COG5: variants seen among roughly 807,000 people sequenced by gnomAD.
COG5 encodes conserved oligomeric Golgi complex subunit 5.
A neutral mutation model predicts 110.4 loss-of-function variants in COG5; 86 were observed. The observed-to-expected ratio is 0.78, with a 90% CI of 0.65 to 0.93. The LOEUF is 0.93. Among genes scored for constraint, COG5 ranks in the 40% least tolerant of loss-of-function variants. The pLI, the probability that COG5 is intolerant of heterozygous loss-of-function variation, is 0.00. For synonymous variants in COG5, 360 were observed against 334.6 expected, an observed-to-expected ratio of 1.08 and a Z score of -0.83; for missense variants, 1,077 against 987.0, an observed-to-expected ratio of 1.09 and a Z score of -1.22.
At chr7:107,426,724 A>G (rs1793666484) in intron 6 of COG5, among the ~76,000 whole-genome samples, 1 of 152,146 alleles carries the variant, frequency 6.6e-6, no homozygotes, top group Admixed American at 6.5e-5. Context: ...AGACATAAAC[A>G]TTCTGTCCAT....
chr7:107,562,000 G>A (rs1027423157), intron 1 of COG5, among the ~76,000 whole-genome samples: 1 of 151,796 alleles, frequency 6.6e-6, no homozygotes, highest in Non-Finnish European at 1.5e-5. Flanking sequence ...AAGAAAGAAA[G>A]AAAGGAGCAG....
chr7:107,477,478 TAATAAGAAATTA>T (rs1386565208), intron 6 of COG5, among the ~76,000 whole-genome samples: 1 of 151,748 alleles, frequency 6.6e-6, no homozygotes, highest in Non-Finnish European at 1.5e-5. Context: ...TTGTCCTCTG[TAATAAGAAATTA>T]AATAAGAAAT....
At chr7:107,241,320 T>C (rs1169979932) in intron 17 of COG5, among the ~76,000 whole-genome samples, 2 of 152,000 alleles carry the variant, frequency 1.3e-5, no homozygotes, top group Admixed American at 6.5e-5. Flanking sequence ...TCAGCAGTTA[T>C]ATAATCCTAT....
At chr7:107,208,706 T>G in intron 21 of COG5, 2 of 985,368 alleles carry the variant, frequency 2.0e-6, no homozygotes, top group South Asian at 9.4e-5. Context: ...CATAGCTGAG[T>G]AACAGATAAG....
chr7:107,268,948 T>G (rs1804021109), intron 14 of COG5, among the ~76,000 whole-genome samples: 1 of 152,158 alleles, frequency 6.6e-6, no homozygotes, highest in South Asian at 2.1e-4. Context: ...GTGGCCAGTT[T>G]AGTATATTTA....
intron 11 of COG5, among the ~76,000 whole-genome samples, chr7:107,312,724 C>T (rs890604421): frequency 5.3e-5 from 8 of 152,070 alleles, no homozygotes; most frequent in Admixed American, 1.3e-4. Context: ...GAGTCATATT[C>T]GAATTGCATT....
chr7:107,422,064 G>A lies in COG5; in HGVS notation c.539-9432C>T, dbSNP rs562240698. The stretch of plus-strand genomic sequence containing the variant: ...CCTGCCTCAAGAAACTAGAAAAAAG[G>A]TAAAATAAATCCAAAATTAGAACTA... On this transcript the variant is annotated intron_variant, in intron 6 of 21. Transcript: ENST00000297135. 1.1e-4 allele frequency among the ~76,000 whole-genome samples: 16 copies of A among 152,178 alleles called. No homozygotes were observed. In the South Asian group the frequency reaches 3.1e-3, roughly 30 times the overall value.
intron 11 of COG5, among the ~76,000 whole-genome samples, chr7:107,306,870 A>G (rs1385074010): frequency 6.6e-6 from 1 of 152,162 alleles, no homozygotes; most frequent in Non-Finnish European, 1.5e-5. Flanking sequence ...TGACAGGAAC[A>G]CACGTCCAAG....
At chr7:107,204,265 TCTA>T (rs1193518668) in intron 21 of COG5, among the ~76,000 whole-genome samples, 1 of 152,210 alleles carries the variant, frequency 6.6e-6, no homozygotes, top group African/African-American at 2.4e-5. Flanking sequence ...GCAGGCTGAA[TCTA>T]GCCTGATGCT....
At chr7:107,345,791 G>C (rs1433018658) in intron 10 of COG5, among the ~76,000 whole-genome samples, 1 of 152,146 alleles carries the variant, frequency 6.6e-6, no homozygotes, top group Non-Finnish European at 1.5e-5. Context: ...AATTAGGTTG[G>C]AGTGAAACTA....
chr7:107,515,455 T>C (rs928865983), intron 6 of COG5, among the ~76,000 whole-genome samples: 4 of 152,186 alleles, frequency 2.6e-5, no homozygotes, highest in Non-Finnish European at 5.9e-5. Context: ...GTGGGATTAG[T>C]AGAGAATCGT....
At chr7:107,340,962 C>A (rs554575726) in intron 10 of COG5, among the ~76,000 whole-genome samples, 2 of 152,144 alleles carry the variant, frequency 1.3e-5, no homozygotes, top group South Asian at 2.1e-4. Context: ...CCCTTGAGAA[C>A]AGGAACAAGA....
intron 10 of COG5, among the ~76,000 whole-genome samples, chr7:107,325,286 G>A (rs1809665027): frequency 1.3e-5 from 2 of 152,162 alleles, no homozygotes; most frequent in South Asian, 4.1e-4. Flanking sequence ...CCACATGTGT[G>A]GTATACAATA....
At chr7:107,537,523 A>T (rs370408096) in intron 5 of COG5, among the ~76,000 whole-genome samples, 1 of 152,150 alleles carries the variant, frequency 6.6e-6, no homozygotes, top group African/African-American at 2.4e-5. Flanking sequence ...CTCACTCATC[A>T]GTGGGAGCTG....
intron 7 of COG5, among the ~76,000 whole-genome samples, chr7:107,401,705 G>A (rs1340894995): frequency 2.6e-5 from 4 of 152,184 alleles, no homozygotes; most frequent in African/African-American, 9.6e-5. Context: ...ATACAAAGGA[G>A]TTTACACAGG....
chr7:107,297,943 C>T (rs1806898831), intron 12 of COG5, among the ~76,000 whole-genome samples, 199 bp downstream of exon 12: 1 of 152,084 alleles, frequency 6.6e-6, no homozygotes, highest in African/African-American at 2.4e-5. Flanking sequence ...GCAGGAGCCA[C>T]AAGTGTTCAA....
chr7:107,527,449 G>A (rs1800857250), intron 5 of COG5, 92 bp from the exon 6 acceptor site: 1 of 1,352,646 alleles, frequency 7.4e-7, no homozygotes, highest in Non-Finnish European at 1.0e-6. Context: ...GTTGATAGGT[G>A]CAGCAAACCA....
At chr7:107,276,925 A>G (rs1804744179) in intron 14 of COG5, among the ~76,000 whole-genome samples, 1 of 152,230 alleles carries the variant, frequency 6.6e-6, no homozygotes, top group Non-Finnish European at 1.5e-5. Context: ...CAGTTTTACA[A>G]AAGAGCATCT....
chr7:107,505,371 G>C (rs1267305470), intron 6 of COG5, among the ~76,000 whole-genome samples: 1 of 152,158 alleles, frequency 6.6e-6, no homozygotes, highest in African/African-American at 2.4e-5. Context: ...TAGCTCCCTT[G>C]TCAGGCTGGC....
Sources: allele counts gnomAD v4.1 joint callset (sites outside exome capture counted in the v4.1 genomes callset), GRCh38; gene constraint gnomAD v4.1.1; transcripts MANE v1.5; gene names NCBI Gene and HGNC (gene_info 2026-07-23, HGNC 2026-07-21).